Variants in ANKRD44 observed in about 807,000 individuals in gnomAD.
The protein encoded by ANKRD44 is serine/threonine-protein phosphatase 6 regulatory ankyrin repeat subunit B.
A neutral mutation model predicts 116.0 loss-of-function variants in ANKRD44; 35 were observed. The ratio of observed to expected loss-of-function variants is 0.30; its 90% CI spans 0.23 to 0.40. The LOEUF is 0.40. Among genes scored for constraint, ANKRD44 ranks in the 10% least tolerant of loss-of-function variants. The pLI, the probability that ANKRD44 is intolerant of heterozygous loss-of-function variation, is 1.00. For synonymous variants in ANKRD44, 435 were observed against 461.8 expected (o/e 0.94, Z 0.74); for missense variants, 1,014 against 1,242.6 (o/e 0.82, Z 2.77).
At chr2:197,245,274 T>C (rs1359478922) in intron 1 of ANKRD44, among the ~76,000 whole-genome samples, 2 of 152,074 alleles carry the variant, frequency 1.3e-5, no homozygotes, top group East Asian at 1.9e-4. Flanking sequence ...ATAATAATAA[T>C]ACAAATAAAA....
chr2:197,224,191 G>T (rs2081648333), intron 1 of ANKRD44, among the ~76,000 whole-genome samples: 2 of 152,168 alleles, frequency 1.3e-5, no homozygotes. Flanking sequence ...ACATGGCACT[G>T]ATGGAAGTGG....
intron 1 of ANKRD44, among the ~76,000 whole-genome samples, chr2:197,258,263 G>T (rs1407769749): frequency 2.9e-5 from 4 of 138,846 alleles, no homozygotes; most frequent in Non-Finnish European, 4.6e-5. Flanking sequence ...GCCACACTTG[G>T]CTAATCCTTT....
intron 4 of ANKRD44, among the ~76,000 whole-genome samples, chr2:197,127,261 T>C (rs950885024): frequency 2.0e-5 from 3 of 152,204 alleles, no homozygotes; most frequent in Non-Finnish European, 4.4e-5. Flanking sequence ...GATTCAACAG[T>C]TAATTCTCCT....
rs566517894 is a variant in ANKRD44 at position 197,207,910 on chromosome 2, A to G, written c.28-20804T>C. Among the ~76,000 whole-genome samples, 19 of 152,306 alleles carry G rather than the reference A, an allele frequency of 1.2e-4. 1 individual carries two copies. In the South Asian group the frequency reaches 3.9e-3, roughly 32 times the overall value. On this transcript the variant is annotated intron_variant, in intron 1 of 27. Coordinates refer to ENST00000282272, the MANE Select transcript of ANKRD44 (RefSeq NM_001195144.2). ...TTTTTAAAAATGTACTGGATTCCTA[A>G]AAGTAAAATTCTAAAGTCTTCCTCC...
intron 2 of ANKRD44, among the ~76,000 whole-genome samples, chr2:197,159,157 G>C (rs111435912): frequency 1.6e-4 from 24 of 152,280 alleles, no homozygotes; most frequent in African/African-American, 5.5e-4. Flanking sequence ...GGAATTAAAA[G>C]CAAAAGCTTA....
intron 1 of ANKRD44, among the ~76,000 whole-genome samples, chr2:197,305,555 G>C (rs185110991): frequency 6.6e-6 from 1 of 151,900 alleles, no homozygotes; most frequent in Non-Finnish European, 1.5e-5. Context: ...TTTTGAGTTC[G>C]TATTTGCTCT....
At chr2:197,140,291 T>C (rs2079329563) in intron 3 of ANKRD44, among the ~76,000 whole-genome samples, 1 of 152,088 alleles carries the variant, frequency 6.6e-6, no homozygotes, top group South Asian at 2.1e-4. Context: ...CACATCCTCA[T>C]CAACACTTGA....
chr2:197,147,390 A>G (rs1233289414), intron 2 of ANKRD44, among the ~76,000 whole-genome samples: 2 of 151,046 alleles, frequency 1.3e-5, no homozygotes, highest in African/African-American at 2.4e-5. Context: ...CTGGATGATG[A>G]ATTTCAACTT....
intron 9 of ANKRD44, among the ~76,000 whole-genome samples, chr2:197,101,061 T>C (rs1432679635): frequency 6.6e-6 from 1 of 152,212 alleles, no homozygotes; most frequent in Non-Finnish European, 1.5e-5. Flanking sequence ...TTAACATTCA[T>C]AAAATAATTT....
At chr2:197,252,226 G>T (rs542283040) in intron 1 of ANKRD44, among the ~76,000 whole-genome samples, 14 of 152,044 alleles carry the variant, frequency 9.2e-5, no homozygotes, top group African/African-American at 1.9e-4. Context: ...AACACTTTTG[G>T]ACTCCACCAC....
intron 16 of ANKRD44, among the ~76,000 whole-genome samples, chr2:197,048,639 G>A (rs930589914): frequency 8.5e-5 from 13 of 152,088 alleles, no homozygotes; most frequent in African/African-American, 2.9e-4. Flanking sequence ...GAATAGTGCC[G>A]CAATAAACAT....
intron 15 of ANKRD44, 86 bp downstream of exon 15, chr2:197,081,559 A>T (rs998440874): frequency 8.1e-7 from 1 of 1,232,096 alleles, no homozygotes; most frequent in African/African-American, 1.5e-5. Context: ...AAACCCCAAA[A>T]TAGTAAGGCA....
At chr2:197,217,068 T>C (rs753440217) in intron 1 of ANKRD44, among the ~76,000 whole-genome samples, 3 of 152,164 alleles carry the variant, frequency 2.0e-5, no homozygotes, top group African/African-American at 7.2e-5. Context: ...GTTTGACTAT[T>C]TTCTCATCAC....
intron 16 of ANKRD44, among the ~76,000 whole-genome samples, chr2:197,044,285 C>T (rs1371373424): frequency 6.6e-6 from 1 of 152,176 alleles, no homozygotes; most frequent in Non-Finnish European, 1.5e-5. Flanking sequence ...CTGCAGTTTC[C>T]AACTGCACAT....
intron 1 of ANKRD44, among the ~76,000 whole-genome samples, chr2:197,291,866 C>T (rs2083578578): frequency 6.6e-6 from 1 of 152,114 alleles, no homozygotes; most frequent in Admixed American, 6.5e-5. Flanking sequence ...ATGTTCCCTG[C>T]TCTGTGTCCA....
chr2:197,165,168 T>A (rs1309107418), intron 2 of ANKRD44, among the ~76,000 whole-genome samples: 1 of 152,208 alleles, frequency 6.6e-6, no homozygotes, highest in African/African-American at 2.4e-5. Context: ...ACACGCCCCT[T>A]CTGGCTGGCT....
Position 197,008,966 on chromosome 2 carries a change from C to CTTTCACAAA in ANKRD44, c.1989_1990insTTTGTGAAA (p.Val663_Asp664insPheValLys). The CTTTCACAAA allele has an allele frequency of 6.2e-7, 1 of 1,614,116 alleles. No individual in the cohort carries two copies. The highest frequency in any genetic ancestry group is 8.5e-7 in the Non-Finnish European group (1 of 1,179,966). The stretch of plus-strand genomic sequence containing the variant: ...TACTGTCCTTTGGCATCTTTCACAT[C>CTTTCACAAA]GACCGCCTCCGGGTTGTCTGCAATT... On this transcript the variant is annotated inframe_insertion, in exon 19 of 28. Transcript: ENST00000282272.
intron 1 of ANKRD44, among the ~76,000 whole-genome samples, chr2:197,273,958 C>A (rs1236718144): frequency 1.3e-3 from 4 of 2,994 alleles, no homozygotes; most frequent in Non-Finnish European, 2.5e-3. Flanking sequence ...GTCAACCAAC[C>A]ACAAAAAAAA....
intron 1 of ANKRD44, among the ~76,000 whole-genome samples, chr2:197,215,853 T>C (rs750851485): frequency 5.3e-5 from 8 of 152,218 alleles, no homozygotes; most frequent in Non-Finnish European, 1.0e-4. Context: ...CAGTGACATA[T>C]TGAGGGTCTT....
Sources: allele counts gnomAD v4.1 joint callset (sites outside exome capture counted in the v4.1 genomes callset), GRCh38; gene constraint gnomAD v4.1.1; transcripts MANE v1.5; gene names NCBI Gene and HGNC (gene_info 2026-07-23, HGNC 2026-07-21).